Variants in SCN9A observed in about 807,000 individuals in gnomAD.
The protein encoded by SCN9A is sodium voltage-gated channel alpha subunit 9.
In SCN9A, 131 loss-of-function variants were observed where a neutral mutation model predicts 187.0. The ratio of observed to expected loss-of-function variants is 0.70; its 90% confidence interval spans 0.61 to 0.81. SCN9A has a LOEUF of 0.81. Among genes scored for constraint, SCN9A ranks in the 30% least tolerant of loss-of-function variants. The pLI is 0.00. For synonymous variants in SCN9A, 809 were observed against 808.6 expected (o/e 1.00, Z -0.01); for missense variants, 2,252 against 2,396.6 (o/e 0.94, Z 1.26).
At chr2:166,243,148 C>A (rs1695639667) in intron 18 of SCN9A, among the ~76,000 whole-genome samples, 1 of 152,020 alleles carries the variant, frequency 6.6e-6, no homozygotes, top group African/African-American at 2.4e-5. Context: ...AGAAACTCAT[C>A]TTGATTAGAA....
intron 24 of SCN9A, among the ~76,000 whole-genome samples, chr2:166,225,033 T>C (rs1411374505): frequency 6.6e-6 from 1 of 152,130 alleles, no homozygotes; most frequent in Non-Finnish European, 1.5e-5. Context: ...ACTCAACATA[T>C]ATGAATGAAA....
At chr2:166,237,560 A>G (rs1695372734) in intron 20 of SCN9A, among the ~76,000 whole-genome samples, 1 of 152,110 alleles carries the variant, frequency 6.6e-6, no homozygotes, top group African/African-American at 2.4e-5. Context: ...TCTGAGATAG[A>G]TATTTTAAAA....
At chr2:166,261,730 T>C (rs1043927986) in intron 17 of SCN9A, among the ~76,000 whole-genome samples, 8 of 151,956 alleles carry the variant, frequency 5.3e-5, no homozygotes, top group Non-Finnish European at 1.2e-4. Flanking sequence ...AAAATAGGGA[T>C]TACCCATGTA....
At chr2:166,222,976 C>CAAAAAAAAAAAA (rs1694686070) in intron 24 of SCN9A, among the ~76,000 whole-genome samples, 1 of 59,494 alleles carries the variant, frequency 1.7e-5, no homozygotes. Context: ...AAAAAAACAG[C>CAAAAAAAAAAAA]AACAAAAAAC....
chr2:166,324,641 T>A (rs536555646), intron 1 of SCN9A, among the ~76,000 whole-genome samples: 1 of 152,276 alleles, frequency 6.6e-6, no homozygotes, highest in South Asian at 2.1e-4. Flanking sequence ...ATTGACAATG[T>A]GTACCATTGA....
At chr2:166,303,994 G>T (rs767665163) in intron 6 of SCN9A, 2 of 1,583,002 alleles carry the variant, frequency 1.3e-6, no homozygotes, top group Admixed American at 3.4e-5. Context: ...TCTTTCAAAA[G>T]ATCAAAGTCA....
rs757433463 is a variant in SCN9A at position 166,204,355 on chromosome 2, T to C, written c.4503+5A>G. 8.8e-6 allele frequency: 14 copies of C among 1,599,538 alleles called. No homozygotes were observed. The Admixed American group carries it at 2.0e-4, about 23-fold the overall frequency. ...TATATGCTAAAGATATATATATTTTTTTACCCCTGGTCGAGGAATTGGCTT... is the reference window on the plus strand; with the variant it reads ...TATATGCTAAAGATATATATATTTTCTTACCCCTGGTCGAGGAATTGGCTT... On this transcript the variant is annotated splice_donor_5th_base_variant and intron_variant, in intron 25 of 26. Coordinates refer to ENST00000642356, the MANE Select transcript of SCN9A (RefSeq NM_001365536.1).
intron 9 of SCN9A, among the ~76,000 whole-genome samples, chr2:166,292,592 C>A (rs934707199): frequency 6.6e-5 from 10 of 152,026 alleles, no homozygotes; most frequent in Admixed American, 1.3e-4. Flanking sequence ...ATAGAATAAT[C>A]ATTTTGGTCT....
Position 166,233,338 on chromosome 2 carries a change from A to G in SCN9A, c.3924+2T>C, listed in dbSNP as rs747044473. ...ACATTATAAAGTTTAGTATTTTCTT[A>G]CCCTCATTCCTTCAAATCTAGATAA... On this transcript the variant is annotated splice_donor_variant, in intron 21 of 26. Transcript: ENST00000642356. LOFTEE classifies it high-confidence loss of function. The G allele has an allele frequency of 1.3e-6, 2 of 1,524,784 alleles. No individual in the cohort carries two copies. Among genetic ancestry groups the G allele is most frequent in the East Asian group, 2.4e-5 (1 of 41,242 alleles). The allele number at this position is 1,524,784 out of a possible 1,614,324, so 94.5% of individuals were successfully genotyped here.
chr2:166,284,213 C>A (rs1388601445), intron 12 of SCN9A, among the ~76,000 whole-genome samples: 2 of 152,094 alleles, frequency 1.3e-5, no homozygotes, highest in Non-Finnish European at 2.9e-5. Flanking sequence ...TATTTATAAT[C>A]TTCAATTATA....
intron 1 of SCN9A, among the ~76,000 whole-genome samples, chr2:166,345,505 A>G (rs2105289115): frequency 6.6e-6 from 1 of 150,814 alleles, no homozygotes; most frequent in Non-Finnish European, 1.5e-5. Flanking sequence ...TGAGGTCAGT[A>G]TGCTCTTGAA....
chr2:166,363,840 GA>G (rs1174360927), intron 1 of SCN9A, among the ~76,000 whole-genome samples: 1 of 151,938 alleles, frequency 6.6e-6, no homozygotes, highest in Non-Finnish European at 1.5e-5. Context: ...AAAAAGAGCT[GA>G]ATTGGATTTT....
At chr2:166,285,090 C>A (rs532591601) in intron 11 of SCN9A, among the ~76,000 whole-genome samples, 1 of 152,138 alleles carries the variant, frequency 6.6e-6, no homozygotes, top group African/African-American at 2.4e-5. Flanking sequence ...AGTTACTGCT[C>A]CATTCTTTTA....
At chr2:166,276,097 T>C (rs1243384886) in intron 16 of SCN9A, among the ~76,000 whole-genome samples, 1 of 152,072 alleles carries the variant, frequency 6.6e-6, no homozygotes, top group African/African-American at 2.4e-5. Context: ...TAGAAGAGCA[T>C]TTTATCCCAA....
rs753843081 is a variant in SCN9A, at chr2:166,303,098, T to C, written c.893A>G (p.Asp298Gly). 1.9e-6 allele frequency: 3 copies of C among 1,593,744 alleles called. No individual in the cohort carries two copies. The highest frequency in any genetic ancestry group is 2.6e-6 in the Non-Finnish European group (3 of 1,166,260). ...SIMNTLESEE[D>G]FRKYFYYLEG... The stretch of plus-strand genomic sequence containing the variant: ...TGCAAGGACATTCTTACTTCTAAAG[T>C]CTTCTTCACTCTCTAGGGTATTCAT... Residue 298 changes from aspartate to glycine, a missense_variant, in exon 7 of 27, where the codon GAC (aspartate) becomes GGC (glycine). Physicochemically the swap from Asp to Gly is moderately conservative, Grantham distance 94. This residue lies in a region of SCN9A where 1,013 missense variants were observed against 997.4 expected (regional missense o/e 1.02). Transcript: ENST00000642356.
At chr2:166,283,167 T>C (rs1697570327) in intron 12 of SCN9A, among the ~76,000 whole-genome samples, 1 of 152,190 alleles carries the variant, frequency 6.6e-6, no homozygotes, top group African/African-American at 2.4e-5. Flanking sequence ...ATATAAATTA[T>C]ATAGTATTTT....
At position 166,197,521 on chromosome 2, in the gene SCN9A, G is replaced by A. The variant is rs1693278995; in HGVS notation, c.*1151C>T. The A allele has an allele frequency of 6.6e-6, 1 of 151,714 alleles. No homozygotes were observed. Among genetic ancestry groups the A allele is most frequent in the African/African-American group, 2.4e-5 (1 of 41,160 alleles). The allele number at this position is 151,714 out of a possible 1,614,324, so 9.4% of individuals were successfully genotyped here. A position where few individuals can be genotyped will look rare whatever the true frequency, so the allele number is the denominator to read the frequency against. On this transcript the variant is annotated 3_prime_UTR_variant, in exon 27 of 27. Coordinates refer to ENST00000642356, the MANE Select transcript of SCN9A (RefSeq NM_001365536.1). ...AGTTGGCAAGAATCCCTATTTCAAT[G>A]CTTTTTTATTCATACTAAACACATA... is the stretch of plus-strand genomic sequence containing the variant.
intron 1 of SCN9A, among the ~76,000 whole-genome samples, chr2:166,361,327 T>C (rs1047904224): frequency 2.6e-5 from 4 of 152,138 alleles, no homozygotes; most frequent in Non-Finnish European, 5.9e-5. Context: ...AGCTTTTGTA[T>C]TGCATATACA....
At chr2:166,317,860 CA>C (rs940917292) in intron 1 of SCN9A, among the ~76,000 whole-genome samples, 24 of 151,822 alleles carry the variant, frequency 1.6e-4, no homozygotes, top group Non-Finnish European at 3.2e-4. Flanking sequence ...CAGAGGAAGA[CA>C]AAAAAAGTTA....
Sources: gnomAD v4.1 joint callset for allele counts (sites outside exome capture counted in the v4.1 genomes callset) on GRCh38, gnomAD v4.1.1 for gene constraint, gnomAD v4.1.1 regional missense constraint, MANE v1.5 for transcripts, NCBI Gene and HGNC (gene_info 2026-07-23, HGNC 2026-07-21) for gene names.